NRG4: variants seen among roughly 807,000 people sequenced by gnomAD.
NRG4 encodes the protein pro-neuregulin-4, membrane-bound isoform.
Under a neutral mutation model 15.0 loss-of-function variants are expected in NRG4, and 10 were observed. The ratio of observed to expected loss-of-function variants is 0.67; its 90% CI spans 0.41 to 1.13. NRG4 has a LOEUF of 1.13. NRG4 is among the 50% of genes most tolerant of loss of function. NRG4 has a pLI of 0.00. For synonymous variants in NRG4, 41 were observed against 50.1 expected (o/e 0.82, Z 0.77); for missense variants, 139 against 140.2 (o/e 0.99, Z 0.04).
intron 2 of NRG4, among the ~76,000 whole-genome samples, chr15:76,056,277 A>G (rs909749209): frequency 2.0e-5 from 3 of 151,736 alleles, no homozygotes; most frequent in African/African-American, 7.3e-5. Flanking sequence ...GAGAAACCCC[A>G]TCTCTACTTA....
chr15:75,989,452 C>T (rs1313720438), intron 3 of NRG4, among the ~76,000 whole-genome samples: 1 of 151,994 alleles, frequency 6.6e-6, no homozygotes, highest in African/African-American at 2.4e-5. Flanking sequence ...GCCCTCTCAT[C>T]TTTCTGAGAT....
chr15:76,019,004 C>CTT (rs751742750), intron 5 of NRG4, among the ~76,000 whole-genome samples: 12 of 148,138 alleles, frequency 8.1e-5, no homozygotes, highest in African/African-American at 2.7e-4. Flanking sequence ...GGGCTGCTGC[C>CTT]TTTTTTTTTT....
At chr15:75,970,240 G>C (rs1241890287) in intron 3 of NRG4, among the ~76,000 whole-genome samples, 5 of 152,198 alleles carry the variant, frequency 3.3e-5, no homozygotes, top group Non-Finnish European at 7.3e-5. Flanking sequence ...ATTGCTGAGA[G>C]ACCAAAATAC....
At chr15:75,948,381 C>A (rs1178260814) in intron 5 of NRG4, among the ~76,000 whole-genome samples, 1 of 151,920 alleles carries the variant, frequency 6.6e-6, no homozygotes, top group Non-Finnish European at 1.5e-5. Flanking sequence ...CTCACTTCAT[C>A]CTCCGCCTGC....
intron 5 of NRG4, among the ~76,000 whole-genome samples, chr15:75,949,951 C>T (rs2031777121): frequency 6.6e-6 from 1 of 152,142 alleles, no homozygotes; most frequent in African/African-American, 2.4e-5. Flanking sequence ...TTTCTCTATT[C>T]TAGGTCCTTT....
chr15:75,993,352 C>CA (rs1277857800), intron 3 of NRG4, among the ~76,000 whole-genome samples: 5 of 117,840 alleles, frequency 4.2e-5, no homozygotes, highest in African/African-American at 1.7e-4. Context: ...ACAAGTATGT[C>CA]AGTCATTTAA....
chr15:76,023,335 T>C (rs2035218386), intron 5 of NRG4, among the ~76,000 whole-genome samples: 1 of 152,190 alleles, frequency 6.6e-6, no homozygotes, highest in Non-Finnish European at 1.5e-5. Flanking sequence ...GAGAGTCATC[T>C]AGCCTCTGTG....
chr15:75,955,809 AC>A (rs2032204039), intron 5 of NRG4, 122 bp downstream of exon 5: 17 of 467,228 alleles, frequency 3.6e-5, no homozygotes, highest in Middle Eastern at 4.0e-4. Flanking sequence ...AAAAAAAAAA[AC>A]CCATAGAAAA....
chr15:75,951,272 G>C (rs1430914716), intron 5 of NRG4: 1 of 145,466 alleles, frequency 6.9e-6, no homozygotes, highest in Non-Finnish European at 1.5e-5. Flanking sequence ...GGTTCAAGCG[G>C]TTCTCCTACC....
At chr15:75,992,535 G>T (rs2034056831) in intron 3 of NRG4, among the ~76,000 whole-genome samples, 1 of 151,888 alleles carries the variant, frequency 6.6e-6, no homozygotes, top group Non-Finnish European at 1.5e-5. Flanking sequence ...TCCATTTAAG[G>T]TATACAATTC....
At chr15:75,971,175 T>C (rs1567083376) in intron 3 of NRG4, 4 of 451,184 alleles carry the variant, frequency 8.9e-6, no homozygotes, top group Non-Finnish European at 1.8e-5. Context: ...CCTGTACATA[T>C]GTGTGTGGTT....
chr15:76,033,273 C>T (rs1013223035), intron 5 of NRG4, among the ~76,000 whole-genome samples: 7 of 152,066 alleles, frequency 4.6e-5, no homozygotes, highest in African/African-American at 1.2e-4. Context: ...AAGCTTTTCC[C>T]GGCCAGTTGT....
downstream of NRG4, chr15:75,938,019 T>A (rs183136762): frequency 4.2e-4 from 64 of 152,350 alleles, no homozygotes; most frequent in African/African-American, 1.4e-3. Flanking sequence ...GGGAAAACAC[T>A]TGCCCGGAAA....
chr15:76,023,261 G>A (rs935790529), intron 5 of NRG4, among the ~76,000 whole-genome samples: 9 of 151,136 alleles, frequency 6.0e-5, no homozygotes, highest in Non-Finnish European at 1.2e-4. Context: ...GTGCAGTAGG[G>A]GAGTGGGGAG....
At chr15:76,011,413 C>A (rs531201339) in intron 1 of NRG4, 127 bp from the exon 2 acceptor site, 3 of 455,594 alleles carry the variant, frequency 6.6e-6, no homozygotes, top group Middle Eastern at 6.5e-4. Flanking sequence ...CATTTATATA[C>A]TAGGGACAAA....
intron 5 of NRG4, among the ~76,000 whole-genome samples, chr15:76,029,207 C>T (rs2035403277): frequency 6.6e-6 from 1 of 152,132 alleles, no homozygotes; most frequent in Non-Finnish European, 1.5e-5. Flanking sequence ...ACCATACGAT[C>T]ATGTCAACAG....
chr15:76,043,566 T>G (rs1358233795), intron 4 of NRG4, among the ~76,000 whole-genome samples: 1 of 152,156 alleles, frequency 6.6e-6, no homozygotes, highest in East Asian at 1.9e-4. Flanking sequence ...AAATCAAGTA[T>G]CAAGGAATTC....
chr15:75,946,302 G>A (rs916231086), intron 5 of NRG4, among the ~76,000 whole-genome samples: 2 of 152,180 alleles, frequency 1.3e-5, no homozygotes, highest in Admixed American at 6.5e-5. Flanking sequence ...GGTCATTATT[G>A]TACATTTACA....
chr15:75,969,536 T>G (rs1328252160), intron 3 of NRG4, among the ~76,000 whole-genome samples: 1 of 152,206 alleles, frequency 6.6e-6, no homozygotes, highest in Non-Finnish European at 1.5e-5. Context: ...AAAGGTAGTT[T>G]CTATTCTTGG....
Sources: allele counts gnomAD v4.1 joint callset (sites outside exome capture counted in the v4.1 genomes callset), GRCh38; gene constraint gnomAD v4.1.1; transcripts MANE v1.5; gene names NCBI Gene and HGNC (gene_info 2026-07-23, HGNC 2026-07-21).